Variants in OXR1 observed in about 807,000 individuals in gnomAD.
OXR1 encodes the protein oxidation resistance protein 1.
OXR1 carries 41 observed loss-of-function variants against 104.6 expected under a neutral mutation model. The ratio of observed to expected loss-of-function variants is 0.39; its 90% CI spans 0.31 to 0.51. The LOEUF is 0.51. Ranked by LOEUF, OXR1 falls within the 20% of genes least tolerant of loss-of-function variation. The probability of loss-of-function intolerance (pLI) is 0.77; values close to 1 mark genes in which losing one functional copy is unlikely to be tolerated. For missense variants in OXR1, 955 were observed against 1,031.9 expected (o/e 0.93, Z 1.02); for synonymous variants, 348 against 348.4 (o/e 1.00, Z 0.01).
chr8:106,273,029 T>C (rs770967404), intron 1 of OXR1: 10 of 152,060 alleles, frequency 6.6e-5, no homozygotes, highest in Non-Finnish European at 1.2e-4. Context: ...AAGGCTTCAT[T>C]ATAGAATGCT....
At chr8:106,491,562 G>A (rs1309783381) in intron 2 of OXR1, among the ~76,000 whole-genome samples, 1 of 152,168 alleles carries the variant, frequency 6.6e-6, no homozygotes, top group Non-Finnish European at 1.5e-5. Flanking sequence ...CATTTTAGAA[G>A]TGTGCAAATA....
intron 2 of OXR1, among the ~76,000 whole-genome samples, chr8:106,391,872 A>G (rs1208544388): frequency 2.0e-5 from 3 of 152,176 alleles, no homozygotes; most frequent in African/African-American, 4.8e-5. Flanking sequence ...AGAAGTACCA[A>G]TCAAAACACT....
chr8:106,385,078 C>A (rs974343386), intron 2 of OXR1, among the ~76,000 whole-genome samples: 1 of 152,102 alleles, frequency 6.6e-6, no homozygotes, highest in African/African-American at 2.4e-5. Context: ...ATACTAGTTC[C>A]AGTCTAGACT....
intron 2 of OXR1, among the ~76,000 whole-genome samples, chr8:106,491,382 A>C (rs1297422266): frequency 6.6e-6 from 1 of 152,226 alleles, no homozygotes; most frequent in Non-Finnish European, 1.5e-5. Flanking sequence ...AAACACATAC[A>C]TATACCCATA....
intron 16 of OXR1, among the ~76,000 whole-genome samples, chr8:106,749,418 T>C (rs1835689212): frequency 6.6e-6 from 1 of 152,110 alleles, no homozygotes; most frequent in African/African-American, 2.4e-5. Flanking sequence ...TGACTCCTGA[T>C]GGCAAGCCTG....
chr8:106,685,809 A>T (rs1452934728), intron 6 of OXR1, among the ~76,000 whole-genome samples: 1 of 152,192 alleles, frequency 6.6e-6, no homozygotes, highest in Non-Finnish European at 1.5e-5. Flanking sequence ...GTCATTATAT[A>T]AAAAAGATAC....
At chr8:106,474,270 T>A (rs771714308) in intron 2 of OXR1, among the ~76,000 whole-genome samples, 44 of 151,654 alleles carry the variant, frequency 2.9e-4, no homozygotes, top group Admixed American at 7.9e-4. Context: ...TAGCTTCCAG[T>A]GTCTAGGAGG....
intron 1 of OXR1, among the ~76,000 whole-genome samples, chr8:106,301,960 A>G (rs1813252049): frequency 6.6e-6 from 1 of 152,212 alleles, no homozygotes; most frequent in African/African-American, 2.4e-5. Context: ...AAGTATCACG[A>G]GTGAGAATTA....
chr8:106,734,302 G>A (rs898859021), intron 11 of OXR1, among the ~76,000 whole-genome samples: 4 of 152,086 alleles, frequency 2.6e-5, no homozygotes, highest in African/African-American at 9.7e-5. Context: ...GTAGAACAAC[G>A]GCTTATGTGA....
chr8:106,731,260 A>G (rs1833866822), intron 11 of OXR1, among the ~76,000 whole-genome samples: 1 of 152,194 alleles, frequency 6.6e-6, no homozygotes, highest in South Asian at 2.1e-4. Flanking sequence ...TAGAGATAGA[A>G]CAGACCATTG....
At chr8:106,702,843 A>T in intron 7 of OXR1, 63 bp from the exon 8 acceptor site, 1 of 1,234,510 alleles carries the variant, frequency 8.1e-7, no homozygotes, top group East Asian at 2.4e-5. Flanking sequence ...TAGTAAAAAT[A>T]GCTAGATAAT....
intron 1 of OXR1, among the ~76,000 whole-genome samples, chr8:106,305,587 G>T (rs1448660264): frequency 6.6e-6 from 1 of 152,078 alleles, no homozygotes; most frequent in Admixed American, 6.5e-5. Flanking sequence ...TGTGTGGATG[G>T]ATGATAATTT....
At chr8:106,409,649 A>G (rs982746430) in intron 2 of OXR1, among the ~76,000 whole-genome samples, 5 of 152,190 alleles carry the variant, frequency 3.3e-5, no homozygotes, top group Non-Finnish European at 7.3e-5. Context: ...CTCCTAGAGA[A>G]TGTTTAAGAA....
intron 3 of OXR1, among the ~76,000 whole-genome samples, chr8:106,614,390 A>G (rs1456792997): frequency 6.6e-6 from 1 of 152,222 alleles, no homozygotes; most frequent in African/African-American, 2.4e-5. Flanking sequence ...TAAGTCCGCT[A>G]GGATATAAAG....
At chr8:106,594,291 C>G (rs1476890110) in intron 3 of OXR1, among the ~76,000 whole-genome samples, 1 of 152,064 alleles carries the variant, frequency 6.6e-6, no homozygotes, top group African/African-American at 2.4e-5. Context: ...AAGGGTATGT[C>G]AGCACCAATG....
rs542163702 is a variant in OXR1, at chr8:106,466,902, T to C, written c.24-52041T>C. The stretch of plus-strand genomic sequence containing the variant: ...ATGGCTAATAGATATTTTTATTTGA[T>C]ATTGTACAGCTGATAAATGATGATA... On this transcript the variant is annotated intron_variant, in intron 2 of 16. Transcript: ENST00000517566. 3.9e-5 allele frequency among the ~76,000 whole-genome samples: 6 copies of C among 152,100 alleles called. No individual in the cohort carries two copies. The South Asian group carries it at 1.0e-3, about 26-fold the overall frequency.
intron 2 of OXR1, among the ~76,000 whole-genome samples, chr8:106,459,864 C>T (rs1820808866): frequency 6.6e-6 from 1 of 152,164 alleles, no homozygotes; most frequent in African/African-American, 2.4e-5. Flanking sequence ...AAAGATGATA[C>T]ATGGTTAACT....
intron 2 of OXR1, among the ~76,000 whole-genome samples, chr8:106,414,249 C>T (rs1188729077): frequency 2.0e-5 from 3 of 151,974 alleles, no homozygotes; most frequent in South Asian, 2.1e-4. Flanking sequence ...TTATCAGTGA[C>T]GGCAGATAGT....
chr8:106,368,428 T>C (rs957233947), intron 2 of OXR1, among the ~76,000 whole-genome samples: 6 of 152,148 alleles, frequency 3.9e-5, no homozygotes, highest in African/African-American at 1.4e-4. Flanking sequence ...TTTATTTTTA[T>C]TTTTTGTTTC....
Sources: gnomAD v4.1 joint callset for allele counts (sites outside exome capture counted in the v4.1 genomes callset) on GRCh38, gnomAD v4.1.1 for gene constraint, MANE v1.5 for transcripts, NCBI Gene and HGNC (gene_info 2026-07-23, HGNC 2026-07-21) for gene names.